DLGAP1: variants seen among roughly 807,000 people sequenced by gnomAD.
DLGAP1 encodes the protein disks large-associated protein 1.
A neutral mutation model predicts 90.8 loss-of-function variants in DLGAP1; 11 were observed. The ratio of observed to expected loss-of-function variants is 0.12; its 90% CI spans 0.08 to 0.20. The LOEUF is 0.20. Ranked by LOEUF, DLGAP1 falls within the 10% of genes least tolerant of loss-of-function variation. DLGAP1 has a pLI of 1.00. For missense variants in DLGAP1, 1,050 were observed against 1,333.8 expected, an observed-to-expected ratio of 0.79 and a Z score of 3.31; for synonymous variants, 558 against 540.7, an observed-to-expected ratio of 1.03 and a Z score of -0.44.
intron 6 of DLGAP1, among the ~76,000 whole-genome samples, chr18:3,733,959 G>T (rs552559050): frequency 5.6e-4 from 85 of 152,218 alleles, no homozygotes; most frequent in African/African-American, 2.0e-3. Flanking sequence ...TGTTTTTAAA[G>T]AAATTCTTTA....
intron 4 of DLGAP1, among the ~76,000 whole-genome samples, chr18:3,850,944 G>A (rs1261420660): frequency 2.0e-5 from 3 of 152,128 alleles, no homozygotes; most frequent in Non-Finnish European, 4.4e-5. Context: ...GTTTTCACAG[G>A]AGCTGAATTT....
At chr18:4,310,382 T>A (rs2080369872) in intron 1 of DLGAP1, among the ~76,000 whole-genome samples, 1 of 152,180 alleles carries the variant, frequency 6.6e-6, no homozygotes, top group African/African-American at 2.4e-5. Flanking sequence ...TTTGAAAAAG[T>A]TAAACATCTA....
intron 1 of DLGAP1, among the ~76,000 whole-genome samples, chr18:4,245,694 T>C (rs1298154571): frequency 6.6e-6 from 1 of 152,214 alleles, no homozygotes; most frequent in Non-Finnish European, 1.5e-5. Context: ...GCTTGGGTGG[T>C]ATCGCTTTGC....
intron 2 of DLGAP1, among the ~76,000 whole-genome samples, chr18:4,066,477 A>T (rs191815162): frequency 1.3e-5 from 2 of 152,296 alleles, no homozygotes; most frequent in African/African-American, 4.8e-5. Context: ...AAACAAATTT[A>T]CAAGAAAAAA....
At chr18:4,195,263 T>C (rs1281765312) in intron 1 of DLGAP1, among the ~76,000 whole-genome samples, 1 of 152,104 alleles carries the variant, frequency 6.6e-6, no homozygotes, top group Non-Finnish European at 1.5e-5. Context: ...GTACAATATA[T>C]GAGACTTTGA....
At chr18:4,106,031 C>CA (rs60176243) in intron 2 of DLGAP1, among the ~76,000 whole-genome samples, 22,504 of 100,318 alleles carry the variant, frequency 0.22, 5,150 homozygotes, top group Non-Finnish European at 0.31. Context: ...GGGTCCGTCT[C>CA]AAAAAAAAAA....
At chr18:4,400,819 C>T (rs1309398341) in intron 1 of DLGAP1, among the ~76,000 whole-genome samples, 1 of 152,088 alleles carries the variant, frequency 6.6e-6, no homozygotes, top group Non-Finnish European at 1.5e-5. Flanking sequence ...GGGTACTGCA[C>T]CTGATGGCTG....
chr18:4,309,467 T>G (rs2080344230), intron 1 of DLGAP1, among the ~76,000 whole-genome samples: 1 of 152,054 alleles, frequency 6.6e-6, no homozygotes, highest in African/African-American at 2.4e-5. Context: ...GGGGCATGGA[T>G]GAGGAGGTCA....
chr18:4,420,889 A>G (rs926135958), intron 1 of DLGAP1, among the ~76,000 whole-genome samples: 7 of 152,348 alleles, frequency 4.6e-5, no homozygotes, highest in African/African-American at 1.7e-4. Context: ...ACCATGAGGC[A>G]TTATTGATAA....
intron 7 of DLGAP1, among the ~76,000 whole-genome samples, chr18:3,590,763 G>A (rs2145543768): frequency 6.6e-6 from 1 of 152,220 alleles, no homozygotes; most frequent in South Asian, 2.1e-4. Context: ...GCTGAAGCAG[G>A]AGAATTGCTT....
chr18:3,969,367 C>T lies in DLGAP1; in HGVS notation c.-73+35749G>A, dbSNP rs112278847. 2.4e-3 allele frequency among the ~76,000 whole-genome samples: 367 copies of T among 152,276 alleles called. 1 individual carries two copies. The highest frequency in any genetic ancestry group is 8.1e-3 in the African/African-American group (337 of 41,558). On this transcript the variant is annotated intron_variant, in intron 3 of 12. Coordinates refer to ENST00000315677, the MANE Select transcript of DLGAP1 (RefSeq NM_004746.4). ...CAGAGAAAAACAGTGAGGTCTCCTA[C>T]GGTTACCACTGGTTTTTGCAAAACG...
chr18:4,353,046 G>T (rs2081433510), intron 1 of DLGAP1, among the ~76,000 whole-genome samples: 1 of 152,108 alleles, frequency 6.6e-6, no homozygotes, highest in South Asian at 2.1e-4. Flanking sequence ...AAGAAAGCCC[G>T]CATTTGGGCA....
chr18:4,357,156 CCT>C (rs1491107717), intron 1 of DLGAP1, among the ~76,000 whole-genome samples: 7 of 100,680 alleles, frequency 7.0e-5, no homozygotes, highest in East Asian at 8.0e-4. Flanking sequence ...TTGTTTTTTT[CCT>C]TTTTTTTTTT....
In DLGAP1 at chr18:3,727,833, T is replaced by C. The variant is rs2062241970; in HGVS notation, c.1591+1302A>G. On this transcript the variant is annotated intron_variant, in intron 7 of 12. Transcript: ENST00000315677. The surrounding 1 kb of genome is among the most constrained non-coding windows in gnomAD (Gnocchi z 4.7). ...ATATACGGACATCTACCATCTCTGGTCTGGAGGTAGCCAGCCAGGGTCTGA... is the reference window on the plus strand; with the variant it reads ...ATATACGGACATCTACCATCTCTGGCCTGGAGGTAGCCAGCCAGGGTCTGA... The C allele has an allele frequency of 6.6e-6, 1 of 152,194 alleles. No individual in the cohort carries two copies. The highest frequency in any genetic ancestry group is 2.4e-5 in the African/African-American group (1 of 41,444). 9.4% of individuals were successfully genotyped at this position (152,194 alleles called of 1,614,324 possible).
chr18:4,200,285 C>T (rs2077584223), intron 1 of DLGAP1, among the ~76,000 whole-genome samples: 1 of 151,554 alleles, frequency 6.6e-6, no homozygotes, highest in South Asian at 2.1e-4. Context: ...AGAAATATGC[C>T]CTCATAATTT....
At chr18:3,748,003 T>C (rs1239678994) in intron 5 of DLGAP1, among the ~76,000 whole-genome samples, 3 of 152,242 alleles carry the variant, frequency 2.0e-5, no homozygotes, top group Non-Finnish European at 4.4e-5. Context: ...GTTGATCTGC[T>C]CAGAAGAAAG....
intron 10 of DLGAP1, among the ~76,000 whole-genome samples, chr18:3,529,646 A>G (rs1221835428): frequency 6.6e-6 from 1 of 152,210 alleles, no homozygotes; most frequent in African/African-American, 2.4e-5. Context: ...CAGAAAGCTT[A>G]CTTTTTAGTG....
At position 3,565,560 on chromosome 18, in the gene DLGAP1, G is replaced by A. The variant is rs1466509701; in HGVS notation, c.2057+1930C>T. On this transcript the variant is annotated intron_variant, in intron 9 of 12. Coordinates refer to ENST00000315677, the MANE Select transcript of DLGAP1 (RefSeq NM_004746.4). This position sits in a 1 kb window ranked among gnomAD's most constrained non-coding sequence, Gnocchi z 4.0. ...CATTAAAGCAATGATTACCGGCCCA[G>A]CGCGGTGGCTCACGCCTGTAATCCC... Among the ~76,000 whole-genome samples the A allele has an allele frequency of 1.3e-5, 2 of 152,154 alleles. No homozygotes were observed. Among genetic ancestry groups the A allele is most frequent in the Non-Finnish European group, 2.9e-5 (2 of 68,022 alleles).
chr18:4,322,517 C>T (rs1025606148), intron 1 of DLGAP1, among the ~76,000 whole-genome samples: 5 of 152,032 alleles, frequency 3.3e-5, no homozygotes, highest in Admixed American at 1.3e-4. Context: ...AATACTTAAA[C>T]GTAAGACCTG....
Sources: allele counts gnomAD v4.1 joint callset (sites outside exome capture counted in the v4.1 genomes callset), GRCh38; gene constraint gnomAD v4.1.1; non-coding constraint Gnocchi (gnomAD v3.1); transcripts MANE v1.5; gene names NCBI Gene and HGNC (gene_info 2026-07-23, HGNC 2026-07-21).